Variants in SPTLC2 observed in about 807,000 individuals in gnomAD.
SPTLC2 encodes serine palmitoyltransferase long chain base subunit 2, also known as serine palmitoyltransferase 2.
A neutral mutation model predicts 62.0 loss-of-function variants in SPTLC2; 21 were observed. The ratio of observed to expected loss-of-function variants is 0.34; its 90% CI spans 0.24 to 0.49. The LOEUF (loss-of-function observed/expected upper bound fraction) is 0.49. SPTLC2 is among the 20% of genes least tolerant of loss of function. The probability of loss-of-function intolerance (pLI) is 0.99; values close to 1 mark genes in which losing one functional copy is unlikely to be tolerated. For missense variants in SPTLC2, 511 were observed against 713.0 expected, an observed-to-expected ratio of 0.72 and a Z score of 3.23; for synonymous variants, 261 against 261.8, an observed-to-expected ratio of 1.00 and a Z score of 0.03.
At chr14:77,532,824 A>G (rs547802388) in intron 9 of SPTLC2, among the ~76,000 whole-genome samples, 68 of 151,972 alleles carry the variant, frequency 4.5e-4, no homozygotes, top group African/African-American at 1.5e-3. Flanking sequence ...AATAAATAAA[A>G]TAAAAAATCT....
intron 1 of SPTLC2, among the ~76,000 whole-genome samples, chr14:77,603,987 A>T (rs1253709948): frequency 1.3e-5 from 2 of 152,132 alleles, no homozygotes; most frequent in African/African-American, 4.8e-5. Flanking sequence ...AGCCTGTAAT[A>T]CCATTCCCTC....
intron 7 of SPTLC2, among the ~76,000 whole-genome samples, chr14:77,556,671 C>T (rs965612658): frequency 1.3e-5 from 2 of 151,938 alleles, no homozygotes; most frequent in Non-Finnish European, 2.9e-5. Context: ...GGATTACAGG[C>T]GTGAGCCACT....
chr14:77,576,910 G>A lies in SPTLC2; in HGVS notation c.488C>T (p.Thr163Ile). The A allele has an allele frequency of 6.2e-7, 1 of 1,613,930 alleles. No individual in the cohort carries two copies. The highest frequency in any genetic ancestry group is 8.5e-7 in the Non-Finnish European group (1 of 1,180,010). Residue 163 changes from threonine to isoleucine, a missense_variant, in exon 4 of 12, where the codon ACA (threonine) becomes ATA (isoleucine). Thr to Ile is a moderately conservative substitution (Grantham distance 89). Transcript: ENST00000216484. ...TATAACACCCTTTATTATATTCCCT[G>A]TATACCTGTGCATCAATAGCATAAA... ...SHDYNWSFKY[T>I]GNIIKGVINM...
At chr14:77,534,313 C>T (rs1280878961) in intron 9 of SPTLC2, among the ~76,000 whole-genome samples, 2 of 151,714 alleles carry the variant, frequency 1.3e-5, no homozygotes, top group Non-Finnish European at 2.9e-5. Context: ...TCATCAAATT[C>T]AATATTACCA....
intron 9 of SPTLC2, among the ~76,000 whole-genome samples, chr14:77,544,935 CT>C (rs2079520055): frequency 1.3e-5 from 2 of 152,168 alleles, no homozygotes; most frequent in Non-Finnish European, 2.9e-5. Context: ...TATCTACTCA[CT>C]CCCACCCTGT....
chr14:77,609,722 T>C (rs1399239117), intron 1 of SPTLC2, among the ~76,000 whole-genome samples: 1 of 151,696 alleles, frequency 6.6e-6, no homozygotes, highest in Non-Finnish European at 1.5e-5. Flanking sequence ...AGTGAGACTC[T>C]GTCTCAAAAA....
In SPTLC2 at chr14:77,523,337, T is replaced by C. The variant is rs142557368; in HGVS notation, c.1304-1756A>G. On this transcript the variant is annotated intron_variant, in intron 9 of 11. Coordinates refer to ENST00000216484, the MANE Select transcript of SPTLC2 (RefSeq NM_004863.4). ...CCAGACTGTGCTGCCTGAAGGCAGG[T>C]TGCAGGCTGCTGCACAGGGAAGGAG... 4.3e-3 allele frequency among the ~76,000 whole-genome samples: 655 copies of C among 152,310 alleles called. 4 individuals carry two copies. The highest frequency in any genetic ancestry group is 0.015 in the African/African-American group (627 of 41,554).
In SPTLC2 at chr14:77,576,786, G is replaced by A. The variant is rs115500562; in HGVS notation, c.612C>T (p.Cys204=). ...KVLEEYGAGV[C]STRQEIGNLD... ...ACTTACCAATTTCCTGCCGAGTACTGCACACTCCAGCTCCATACTCCTCAA... is the reference window on the plus strand; with the variant it reads ...ACTTACCAATTTCCTGCCGAGTACTACACACTCCAGCTCCATACTCCTCAA... Residue 204 remains cysteine (C), a synonymous_variant, in exon 4 of 12, where the codon TGC becomes TGT. Coordinates refer to ENST00000216484, the MANE Select transcript of SPTLC2 (RefSeq NM_004863.4). 161 of 1,614,150 alleles carry A rather than the reference G, an allele frequency of 1.0e-4. No individual in the cohort carries two copies. In the African/African-American group the frequency reaches 1.9e-3, roughly 19 times the overall value.
At chr14:77,613,968 T>C (rs1405443313) in intron 1 of SPTLC2, among the ~76,000 whole-genome samples, 2 of 152,230 alleles carry the variant, frequency 1.3e-5, no homozygotes, top group Non-Finnish European at 2.9e-5. Context: ...TCTGAGAGTG[T>C]AGAAAGCTCC....
At chr14:77,581,903 G>A (rs951522811) in intron 2 of SPTLC2, among the ~76,000 whole-genome samples, 1 of 151,878 alleles carries the variant, frequency 6.6e-6, no homozygotes, top group Non-Finnish European at 1.5e-5. Flanking sequence ...CTTTTTATTT[G>A]GCTGTTATTA....
At chr14:77,591,907 T>C (rs1009452593) in intron 2 of SPTLC2, among the ~76,000 whole-genome samples, 49 of 152,010 alleles carry the variant, frequency 3.2e-4, no homozygotes, top group African/African-American at 1.2e-3. Context: ...GTATTTTTAG[T>C]AGAGACCGGG....
At chr14:77,587,761 A>ATAATAATAATAT (rs1428338995) in intron 2 of SPTLC2, among the ~76,000 whole-genome samples, 2 of 148,294 alleles carry the variant, frequency 1.3e-5, no homozygotes, top group East Asian at 3.9e-4. Flanking sequence ...CTGTCTCAAA[A>ATAATAATAATAT]TAATAATAAT....
At chr14:77,610,333 G>T (rs184289892) in intron 1 of SPTLC2, among the ~76,000 whole-genome samples, 1 of 152,228 alleles carries the variant, frequency 6.6e-6, no homozygotes, top group Non-Finnish European at 1.5e-5. Context: ...GTAGAGACGG[G>T]GTTTCACCAT....
At position 77,606,447 on chromosome 14, in the gene SPTLC2, C is replaced by A. The variant is rs539539511; in HGVS notation, c.133-9067G>T. On this transcript the variant is annotated intron_variant, in intron 1 of 11. Transcript: ENST00000216484. ...ACATGTTCACCTTCTTGCATCAGCA[C>A]TGCTGGCCTAGGGAATCTCTCACAA... 5.9e-5 allele frequency among the ~76,000 whole-genome samples: 9 copies of A among 152,014 alleles called. No homozygotes were observed. In the South Asian group the frequency reaches 1.7e-3, roughly 28 times the overall value.
Position 77,512,413 on chromosome 14 carries a change from A to G in SPTLC2, c.1570-10T>C. On this transcript the variant is annotated splice_polypyrimidine_tract_variant and intron_variant, in intron 11 of 11. Coordinates refer to ENST00000216484, the MANE Select transcript of SPTLC2 (RefSeq NM_004863.4). ...CTATCTCCTTTAAAGCCTAAAATAC[A>G]CAAGACAAAGTAGAGGTCTGTCAGA... 1.2e-6 allele frequency: 2 copies of G among 1,614,200 alleles called. No homozygotes were observed. Among genetic ancestry groups the G allele is most frequent in the African/African-American group, 2.7e-5 (2 of 75,048 alleles).
intron 9 of SPTLC2, among the ~76,000 whole-genome samples, chr14:77,548,889 C>CAT (rs1566776413): frequency 6.6e-6 from 1 of 152,148 alleles, no homozygotes; most frequent in East Asian, 1.9e-4. Flanking sequence ...TTTCTTCACA[C>CAT]AAAAAGATGA....
intron 5 of SPTLC2, among the ~76,000 whole-genome samples, chr14:77,564,409 AC>A (rs2079633138): frequency 7.9e-5 from 1 of 12,708 alleles, no homozygotes; most frequent in Non-Finnish European, 2.1e-4. Context: ...ATACACACAC[AC>A]ACACACACAC....
intron 5 of SPTLC2, 78 bp downstream of exon 5, chr14:77,570,306 T>C (rs2079673921): frequency 6.3e-6 from 10 of 1,574,832 alleles, no homozygotes; most frequent in Middle Eastern, 1.7e-4. Flanking sequence ...TATAACAGCT[T>C]TTAGCTCACT....
intron 6 of SPTLC2, among the ~76,000 whole-genome samples, chr14:77,560,895 G>A (rs1464957235): frequency 3.6e-5 from 1 of 28,160 alleles, no homozygotes. Flanking sequence ...GGTAAGGTTC[G>A]AAAAACTACC....
Sources: gnomAD v4.1 joint callset for allele counts (sites outside exome capture counted in the v4.1 genomes callset) on GRCh38, gnomAD v4.1.1 for gene constraint, MANE v1.5 for transcripts, NCBI Gene and HGNC (gene_info 2026-07-23, HGNC 2026-07-21) for gene names.